The following ABCC4 variants were observed in gnomAD, a reference collection of about 807,000 sequenced individuals.
ABCC4 encodes ATP binding cassette subfamily C member 4 (PEL blood group).
ABCC4 carries 102 observed loss-of-function variants against 168.5 expected under a neutral mutation model. The ratio of observed to expected loss-of-function variants is 0.61; its 90% CI spans 0.52 to 0.71. The LOEUF (loss-of-function observed/expected upper bound fraction) is 0.71. Among genes scored for constraint, ABCC4 ranks in the 30% least tolerant of loss-of-function variants. The probability of loss-of-function intolerance (pLI) is 0.00; values close to 1 mark genes in which losing one functional copy is unlikely to be tolerated. For synonymous variants in ABCC4, 617 were observed against 590.7 expected, an observed-to-expected ratio of 1.04 and a Z score of -0.65; for missense variants, 1,402 against 1,605.8, an observed-to-expected ratio of 0.87 and a Z score of 2.17.
chr13:95,095,325 T>TCTATCTAC (rs2034558576), intron 20 of ABCC4, among the ~76,000 whole-genome samples: 1 of 151,878 alleles, frequency 6.6e-6, no homozygotes, highest in Non-Finnish European at 1.5e-5. Flanking sequence ...TATCTATCTA[T>TCTATCTAC]CTATCTATCT....
At chr13:95,059,315 C>T (rs1043314638) in intron 26 of ABCC4, among the ~76,000 whole-genome samples, 2 of 152,166 alleles carry the variant, frequency 1.3e-5, no homozygotes, top group Admixed American at 6.5e-5. Context: ...GCTGTGAGGA[C>T]GAAGTGGGAG....
At position 95,298,108 on chromosome 13, in the gene ABCC4, G is replaced by A. The variant is rs181366773; in HGVS notation, c.74+3133C>T. On this transcript the variant is annotated intron_variant, in intron 1 of 30. Transcript: ENST00000645237. ...GTTCAAGACCAGCCTGGCCAACATG[G>A]TGCAACCCCATCTCTACCAAAAATA... 9.2e-4 allele frequency among the ~76,000 whole-genome samples: 140 copies of A among 152,154 alleles called. 1 individual carries two copies. The highest frequency in any genetic ancestry group is 4.4e-3 in the East Asian group (23 of 5,178).
At chr13:95,115,502 CA>C (rs4148521) in intron 20 of ABCC4, among the ~76,000 whole-genome samples, 76,185 of 140,972 alleles carry the variant, frequency 0.54, 20,432 homozygotes, top group South Asian at 0.67. Flanking sequence ...TGGTTCTATC[CA>C]AAAAAAAAAA....
At chr13:95,179,270 G>GC (rs1289326422) in intron 11 of ABCC4, among the ~76,000 whole-genome samples, 2 of 152,070 alleles carry the variant, frequency 1.3e-5, no homozygotes, top group Non-Finnish European at 2.9e-5. Context: ...GATGCTTAAG[G>GC]CATCACAATA....
At chr13:95,279,189 G>A (rs1384925268) in intron 1 of ABCC4, among the ~76,000 whole-genome samples, 2 of 152,174 alleles carry the variant, frequency 1.3e-5, no homozygotes, top group African/African-American at 2.4e-5. Flanking sequence ...GGAGGCACAC[G>A]TCACACTTCT....
chr13:95,126,133 C>T (rs187347508), intron 19 of ABCC4, among the ~76,000 whole-genome samples: 34 of 152,306 alleles, frequency 2.2e-4, no homozygotes, highest in East Asian at 1.4e-3. Context: ...ATCTCTTGAC[C>T]TCTTCTGGGA....
chr13:95,148,938 C>T (rs915604179), intron 19 of ABCC4: 4 of 152,102 alleles, frequency 2.6e-5, no homozygotes, highest in Admixed American at 1.3e-4. Flanking sequence ...TACAGCTTCT[C>T]GTGTGTGAAA....
At position 95,095,473 on chromosome 13, in the gene ABCC4, C is replaced by G. The variant is rs144639321; in HGVS notation, c.2536-12183G>C. On this transcript the variant is annotated intron_variant, in intron 20 of 30. Transcript: ENST00000645237. ...CAAACATTGTATGTTCTCACTGATA[C>G]ATGGGAGCTAAGCTATGAGGATGCA... Among the ~76,000 whole-genome samples the G allele has an allele frequency of 2.5e-3, 385 of 152,240 alleles. 2 individuals are homozygous for G. Among genetic ancestry groups the G allele is most frequent in the African/African-American group, 9.0e-3 (372 of 41,542 alleles).
intron 19 of ABCC4, among the ~76,000 whole-genome samples, chr13:95,127,914 A>C (rs1419846002): frequency 1.3e-5 from 2 of 152,248 alleles, no homozygotes; most frequent in Non-Finnish European, 2.9e-5. Context: ...TCCAATAAAT[A>C]ACTTCAAAGG....
rs189482517 is a variant in ABCC4 at position 95,080,045 on chromosome 13, C to T, written c.2686+3095G>A. Among the ~76,000 whole-genome samples the T allele has an allele frequency of 6.6e-5, 10 of 152,226 alleles. No individual in the cohort carries two copies. The East Asian group carries it at 7.7e-4, about 12-fold the overall frequency. On this transcript the variant is annotated intron_variant, in intron 21 of 30. Coordinates refer to ENST00000645237, the MANE Select transcript of ABCC4 (RefSeq NM_005845.5). ...ATTTTTCTCCAGACTTTGTAGCCCA[C>T]GCTTTAAAAATCCCCTAATCTTACT... is the stretch of plus-strand genomic sequence containing the variant.
chr13:95,083,326 CA>C, intron 20 of ABCC4, 36 bp from the exon 21 acceptor site: 1 of 1,604,310 alleles, frequency 6.2e-7, no homozygotes, highest in Non-Finnish European at 8.5e-7. Flanking sequence ...TTTTCCTTAT[CA>C]AGTATTCTTT....
At chr13:95,038,282 G>T (rs917493469) in intron 29 of ABCC4, among the ~76,000 whole-genome samples, 1 of 148,686 alleles carries the variant, frequency 6.7e-6, no homozygotes, top group Non-Finnish European at 1.5e-5. Flanking sequence ...CACATTTATT[G>T]CACACTTACT....
chr13:95,128,323 C>T (rs868292142), intron 19 of ABCC4, among the ~76,000 whole-genome samples: 6 of 152,302 alleles, frequency 3.9e-5, no homozygotes, highest in Middle Eastern at 3.4e-3. Context: ...TTCATTAAAC[C>T]TCCTGTGCCA....
At chr13:95,113,585 A>AAT (rs2035276524) in intron 20 of ABCC4, among the ~76,000 whole-genome samples, 2 of 151,244 alleles carry the variant, frequency 1.3e-5, no homozygotes, top group Non-Finnish European at 1.5e-5. Flanking sequence ...AAAAAAAAAA[A>AAT]TTACATTTAG....
chr13:95,182,140 A>G (rs1231515029), intron 11 of ABCC4, among the ~76,000 whole-genome samples: 2 of 152,152 alleles, frequency 1.3e-5, no homozygotes, highest in Admixed American at 1.3e-4. Flanking sequence ...GGTTCTCCCA[A>G]CTGAGAGATT....
At chr13:95,025,259 A>ACC (rs1566351168) in intron 30 of ABCC4, among the ~76,000 whole-genome samples, 1 of 22,866 alleles carries the variant, frequency 4.4e-5, no homozygotes, top group Non-Finnish European at 7.3e-5. Flanking sequence ...ACACACACAC[A>ACC]CACCCCCACA....
At chr13:95,167,025 A>T (rs1328308740) in intron 14 of ABCC4, among the ~76,000 whole-genome samples, 1 of 152,000 alleles carries the variant, frequency 6.6e-6, no homozygotes, top group Non-Finnish European at 1.5e-5. Flanking sequence ...CACCTCTACT[A>T]AAAATACAAA....
chr13:95,267,421 T>C (rs2040714854), intron 1 of ABCC4, among the ~76,000 whole-genome samples: 1 of 152,230 alleles, frequency 6.6e-6, no homozygotes, highest in African/African-American at 2.4e-5. Context: ...CCCAGCCACA[T>C]GGAACTGTCC....
intron 1 of ABCC4, among the ~76,000 whole-genome samples, chr13:95,299,849 G>A (rs1238533678): frequency 1.3e-5 from 2 of 151,988 alleles, no homozygotes; most frequent in African/African-American, 2.4e-5. Context: ...ACACACACCC[G>A]CCACTCCCCC....
Sources: allele counts gnomAD v4.1 joint callset (sites outside exome capture counted in the v4.1 genomes callset), GRCh38; gene constraint gnomAD v4.1.1; transcripts MANE v1.5; gene names NCBI Gene and HGNC (gene_info 2026-07-23, HGNC 2026-07-21).